Variants in DCC observed in about 807,000 individuals in gnomAD.
The protein encoded by DCC is DCC netrin 1 receptor.
DCC carries 58 observed loss-of-function variants against 172.5 expected under a neutral mutation model. The observed-to-expected ratio is 0.34, with a 90% CI of 0.27 to 0.42. The LOEUF is 0.42. Among genes scored for constraint, DCC ranks in the 10% least tolerant of loss-of-function variants. The pLI, the probability that DCC is intolerant of heterozygous loss-of-function variation, is 1.00. For missense variants in DCC, 1,740 were observed against 1,791.0 expected, an observed-to-expected ratio of 0.97 and a Z score of 0.51; for synonymous variants, 709 against 644.5, an observed-to-expected ratio of 1.10 and a Z score of -1.52.
At chr18:52,656,564 T>G (rs901840438) in intron 1 of DCC, among the ~76,000 whole-genome samples, 1 of 152,162 alleles carries the variant, frequency 6.6e-6, no homozygotes, top group African/African-American at 2.4e-5. Flanking sequence ...GCCCATCACA[T>G]ATTATGTGAC....
intron 15 of DCC, among the ~76,000 whole-genome samples, chr18:53,367,222 C>T (rs993212401): frequency 2.0e-5 from 3 of 152,038 alleles, no homozygotes; most frequent in Non-Finnish European, 4.4e-5. Context: ...TTTTGAGCCA[C>T]ATTATCTTAT....
At chr18:53,389,192 A>AT (rs1908383415) in intron 16 of DCC, among the ~76,000 whole-genome samples, 2 of 152,154 alleles carry the variant, frequency 1.3e-5, no homozygotes, top group African/African-American at 4.8e-5. Context: ...TGGAGGCTAT[A>AT]TTTTGTCTTT....
At chr18:53,337,290 C>G (rs1174332219) in intron 14 of DCC, among the ~76,000 whole-genome samples, 1 of 152,114 alleles carries the variant, frequency 6.6e-6, no homozygotes, top group East Asian at 1.9e-4. Context: ...TGCAGAAGAT[C>G]TAGTTTATTT....
intron 12 of DCC, among the ~76,000 whole-genome samples, chr18:53,284,611 A>G (rs761219253): frequency 4.9e-4 from 74 of 152,160 alleles, no homozygotes; most frequent in Non-Finnish European, 7.5e-4. Context: ...TATCAGCAGC[A>G]TGAAAATGGA....
intron 1 of DCC, among the ~76,000 whole-genome samples, chr18:52,600,215 C>G (rs1426121914): frequency 6.6e-6 from 1 of 152,112 alleles, no homozygotes; most frequent in East Asian, 1.9e-4. Context: ...TTGCTTCCCC[C>G]ACACCTACAT....
At chr18:52,530,333 A>G (rs1379922259) in intron 1 of DCC, among the ~76,000 whole-genome samples, 4 of 152,210 alleles carry the variant, frequency 2.6e-5, no homozygotes, top group Non-Finnish European at 5.9e-5. Context: ...GTTCAAGTTC[A>G]TTACAAGAAA....
At chr18:53,028,636 T>C (rs1185009176) in intron 5 of DCC, among the ~76,000 whole-genome samples, 2 of 152,312 alleles carry the variant, frequency 1.3e-5, no homozygotes, top group African/African-American at 4.8e-5. Context: ...CAAAATTGAC[T>C]GTTTAAACAT....
chr18:52,996,438 A>G (rs1019472260), intron 5 of DCC, among the ~76,000 whole-genome samples: 10 of 151,958 alleles, frequency 6.6e-5, no homozygotes, highest in Non-Finnish European at 1.5e-4. Context: ...ATTTTTGGAT[A>G]TATTTATCAA....
intron 2 of DCC, among the ~76,000 whole-genome samples, chr18:52,833,158 C>A (rs982318020): frequency 1.3e-5 from 2 of 152,100 alleles, no homozygotes; most frequent in Non-Finnish European, 2.9e-5. Context: ...CTTCCACATG[C>A]ACCTAGTCCA....
intron 5 of DCC, among the ~76,000 whole-genome samples, chr18:52,947,105 G>C (rs1028913107): frequency 1.3e-5 from 2 of 152,046 alleles, no homozygotes; most frequent in African/African-American, 4.8e-5. Flanking sequence ...TGTATCTTGA[G>C]TCTCTGCATT....
chr18:53,005,425 G>A (rs1305858824), intron 5 of DCC, among the ~76,000 whole-genome samples: 1 of 152,154 alleles, frequency 6.6e-6, no homozygotes, highest in East Asian at 1.9e-4. Flanking sequence ...GACTGTGTTT[G>A]AAATGCCTAC....
intron 22 of DCC, among the ~76,000 whole-genome samples, chr18:53,448,222 C>G (rs1912754226): frequency 6.6e-6 from 1 of 152,088 alleles, no homozygotes; most frequent in African/African-American, 2.4e-5. Flanking sequence ...CTAATAAAGA[C>G]ATAGCTGAGA....
chr18:52,991,248 A>AT (rs1258729238), intron 5 of DCC, among the ~76,000 whole-genome samples: 11 of 152,138 alleles, frequency 7.2e-5, no homozygotes, highest in South Asian at 2.1e-4. Flanking sequence ...ACCTAGTCTA[A>AT]TTTTTTTAAA....
chr18:52,453,238 G>T (rs1213028073), intron 1 of DCC, among the ~76,000 whole-genome samples: 1 of 152,152 alleles, frequency 6.6e-6, no homozygotes, highest in Non-Finnish European at 1.5e-5. Context: ...AATAACCCAG[G>T]TAGTCAAAGC....
At chr18:52,811,084 A>G (rs1409901116) in intron 2 of DCC, among the ~76,000 whole-genome samples, 1 of 152,226 alleles carries the variant, frequency 6.6e-6, no homozygotes, top group Non-Finnish European at 1.5e-5. Context: ...TGAACAATTC[A>G]AGCTATAGTC....
chr18:52,849,639 C>A (rs2038945397), intron 2 of DCC, among the ~76,000 whole-genome samples: 1 of 152,150 alleles, frequency 6.6e-6, no homozygotes, highest in Non-Finnish European at 1.5e-5. Flanking sequence ...GCATCATTGG[C>A]AACAGAATAT....
At chr18:53,282,234 G>T (rs1000063037) in intron 12 of DCC, among the ~76,000 whole-genome samples, 4 of 152,048 alleles carry the variant, frequency 2.6e-5, no homozygotes, top group Admixed American at 1.3e-4. Context: ...GGTGTGTTCC[G>T]TGGTTAGTAA....
At chr18:53,413,295 T>C (rs1039184117) in intron 20 of DCC, among the ~76,000 whole-genome samples, 5 of 152,156 alleles carry the variant, frequency 3.3e-5, no homozygotes, top group Non-Finnish European at 5.9e-5. Flanking sequence ...CTCTCCCCTA[T>C]CCAAGAATAT....
At chr18:53,290,895 A>G (rs893579613) in intron 12 of DCC, among the ~76,000 whole-genome samples, 1 of 152,218 alleles carries the variant, frequency 6.6e-6, no homozygotes, top group African/African-American at 2.4e-5. Flanking sequence ...GGGGCCAGGC[A>G]CAATGGCTCA....
Sources: allele counts gnomAD v4.1 joint callset (sites outside exome capture counted in the v4.1 genomes callset), GRCh38; gene constraint gnomAD v4.1.1; transcripts MANE v1.5; gene names NCBI Gene and HGNC (gene_info 2026-07-23, HGNC 2026-07-21).